Variants in MAN1A2 observed in about 807,000 individuals in gnomAD.
MAN1A2 encodes the protein mannosyl-oligosaccharide 1,2-alpha-mannosidase IB.
Under a neutral mutation model 75.7 loss-of-function variants are expected in MAN1A2, and 26 were observed. The ratio of observed to expected loss-of-function variants is 0.34; its 90% CI spans 0.25 to 0.48. The LOEUF (loss-of-function observed/expected upper bound fraction) is 0.48, where lower values mean the gene tolerates loss of function less well. Among genes scored for constraint, MAN1A2 ranks in the 20% least tolerant of loss-of-function variants. The pLI, the probability that MAN1A2 is intolerant of heterozygous loss-of-function variation, is 0.99. For missense variants in MAN1A2, 562 were observed against 775.5 expected (o/e 0.72, Z 3.27); for synonymous variants, 247 against 264.6 (o/e 0.93, Z 0.65).
chr1:117,468,270 C>CAATCATCAGA (rs1176004849), intron 8 of MAN1A2, among the ~76,000 whole-genome samples: 1 of 152,136 alleles, frequency 6.6e-6, no homozygotes, highest in Non-Finnish European at 1.5e-5. Flanking sequence ...TGAGAACTCA[C>CAATCATCAGA]TCATTATCAA....
At chr1:117,467,697 T>C (rs1650023829) in intron 8 of MAN1A2, among the ~76,000 whole-genome samples, 1 of 152,114 alleles carries the variant, frequency 6.6e-6, no homozygotes, top group African/African-American at 2.4e-5. Flanking sequence ...GTTTTCTTAT[T>C]TCAGATAAGA....
chr1:117,526,668 G>T lies in MAN1A2; in HGVS notation c.*3711G>T, dbSNP rs1557985460. ...ACATAATTCATGGGTAAAACTTGCA[G>T]TTGTAAATTGTGTCTGCTCTGGTAT... On this transcript the variant is annotated 3_prime_UTR_variant, in exon 13 of 13. Coordinates refer to ENST00000356554, the MANE Select transcript of MAN1A2 (RefSeq NM_006699.5). 1 of 151,122 alleles carries T rather than the reference G, an allele frequency of 6.6e-6. No homozygotes were observed. Among genetic ancestry groups the T allele is most frequent in the East Asian group, 1.9e-4 (1 of 5,180 alleles). The allele number at this position is 151,122 out of a possible 1,614,324, so 9.4% of individuals were successfully genotyped here. A position where few individuals can be genotyped will look rare whatever the true frequency, so the allele number is the denominator to read the frequency against.
At chr1:117,458,522 T>TATATA (rs1196587087) in intron 6 of MAN1A2, among the ~76,000 whole-genome samples, 2 of 90,152 alleles carry the variant, frequency 2.2e-5, no homozygotes, top group Non-Finnish European at 4.4e-5. Flanking sequence ...GATATATATA[T>TATATA]ATTTTTTTTT....
At chr1:117,417,641 CAAT>C (rs1342914671) in intron 4 of MAN1A2, among the ~76,000 whole-genome samples, 16 of 142,688 alleles carry the variant, frequency 1.1e-4, no homozygotes, top group African/African-American at 3.4e-4. Flanking sequence ...AGGAGCAAAA[CAAT>C]AAACAATGTA....
chr1:117,466,931 G>A (rs1649999251), intron 8 of MAN1A2, among the ~76,000 whole-genome samples: 1 of 152,094 alleles, frequency 6.6e-6, no homozygotes, highest in Admixed American at 6.6e-5. Flanking sequence ...ATAGGGCTTG[G>A]CCTGAATTCA....
chr1:117,472,993 A>G (rs895513764), intron 8 of MAN1A2, among the ~76,000 whole-genome samples: 3 of 151,856 alleles, frequency 2.0e-5, no homozygotes, highest in African/African-American at 7.3e-5. Flanking sequence ...TTTAAATACC[A>G]TTTACATGCT....
intron 6 of MAN1A2, among the ~76,000 whole-genome samples, chr1:117,450,029 A>C (rs1165093754): frequency 6.6e-6 from 1 of 152,198 alleles, no homozygotes; most frequent in African/African-American, 2.4e-5. Context: ...GAAAATGTGG[A>C]ACAACTTTGG....
Position 117,524,852 on chromosome 1 carries a change from A to G in MAN1A2, c.*1895A>G, listed in dbSNP as rs1240232823. The G allele has an allele frequency of 5.1e-6, 1 of 197,860 alleles. No individual in the cohort carries two copies. Among genetic ancestry groups the G allele is most frequent in the Non-Finnish European group, 1.1e-5 (1 of 93,528 alleles). The allele number at this position is 197,860 out of a possible 1,614,324, so 12.3% of individuals were successfully genotyped here. On this transcript the variant is annotated 3_prime_UTR_variant, in exon 13 of 13. Coordinates refer to ENST00000356554, the MANE Select transcript of MAN1A2 (RefSeq NM_006699.5). ...ACTTGAACATTTAAATTTCTAAATG[A>G]GAAAGGTATATATATTACTGTAACT... is the stretch of plus-strand genomic sequence containing the variant.
chr1:117,425,228 G>C (rs932502642), intron 5 of MAN1A2, among the ~76,000 whole-genome samples: 21 of 152,106 alleles, frequency 1.4e-4, no homozygotes, highest in African/African-American at 5.1e-4. Context: ...TTAAAACTTG[G>C]AAAGGAAAAA....
chr1:117,457,351 T>G (rs1488315458), intron 6 of MAN1A2, among the ~76,000 whole-genome samples: 1 of 152,068 alleles, frequency 6.6e-6, no homozygotes. Context: ...TTTATTTTGA[T>G]CAGTTGAGAA....
intron 6 of MAN1A2, among the ~76,000 whole-genome samples, chr1:117,448,121 G>C (rs1649297679): frequency 6.6e-6 from 1 of 152,020 alleles, no homozygotes; most frequent in Non-Finnish European, 1.5e-5. Flanking sequence ...AGTTCTCCTT[G>C]AAGAGGCCCT....
intron 8 of MAN1A2, among the ~76,000 whole-genome samples, chr1:117,475,329 C>CT (rs1404059815): frequency 6.6e-6 from 1 of 151,400 alleles, no homozygotes; most frequent in African/African-American, 2.4e-5. Flanking sequence ...TATGATCAGT[C>CT]TTTTAGTTTT....
chr1:117,416,194 A>G (rs551331454), intron 4 of MAN1A2, among the ~76,000 whole-genome samples: 1 of 152,176 alleles, frequency 6.6e-6, no homozygotes, highest in East Asian at 1.9e-4. Context: ...TGCTACTTTT[A>G]TATGCCACAT....
intron 8 of MAN1A2, 146 bp downstream of exon 8, chr1:117,466,573 T>G: frequency 2.0e-6 from 1 of 511,016 alleles, no homozygotes; most frequent in African/African-American, 2.0e-5. Context: ...TTAGGCATGT[T>G]TCTGATCTCT....
Position 117,442,300 on chromosome 1 carries a change from C to T in MAN1A2, c.925C>T (p.Pro309Ser). ...LPAFNTPTGI[P>S]WAMVNLKSGV... Reference sequence around the variant, plus strand: ...TGCCTTTAACACACCTACTGGGATTCCTTGGGCAATGGTGAATTTGAAAAG... The same window carrying T: ...TGCCTTTAACACACCTACTGGGATTTCTTGGGCAATGGTGAATTTGAAAAG... The change falls in exon 6 of 13, where the codon CCT becomes TCT. Residue 309 changes from proline to serine, a missense_variant. Around this residue, in one of 2 missense-constraint regions of MAN1A2, gnomAD observed 434 missense variants for 645.7 expected, o/e 0.67. Coordinates refer to ENST00000356554, the MANE Select transcript of MAN1A2 (RefSeq NM_006699.5). The T allele has an allele frequency of 6.2e-7, 1 of 1,610,648 alleles. No individual in the cohort carries two copies. Among genetic ancestry groups the T allele is most frequent in the Non-Finnish European group, 8.5e-7 (1 of 1,177,002 alleles).
intron 1 of MAN1A2, among the ~76,000 whole-genome samples, chr1:117,397,781 A>C (rs1647236405): frequency 6.6e-6 from 1 of 150,584 alleles, no homozygotes; most frequent in Non-Finnish European, 1.5e-5. Context: ...CCTCCTGAGT[A>C]GCTGGGATTA....
At chr1:117,463,961 G>A (rs1227872590) in intron 7 of MAN1A2, among the ~76,000 whole-genome samples, 1 of 152,100 alleles carries the variant, frequency 6.6e-6, no homozygotes, top group Non-Finnish European at 1.5e-5. Context: ...CAAAACAAAG[G>A]AAAAGCAGAG....
chr1:117,410,385 C>T (rs1347248290), intron 3 of MAN1A2, among the ~76,000 whole-genome samples: 5 of 151,726 alleles, frequency 3.3e-5, no homozygotes, highest in Admixed American at 3.3e-4. Context: ...TAACATCCAT[C>T]GATGATAAAA....
chr1:117,482,047 G>T (rs1053321033), intron 8 of MAN1A2, among the ~76,000 whole-genome samples: 2 of 151,802 alleles, frequency 1.3e-5, no homozygotes, highest in South Asian at 2.1e-4. Flanking sequence ...GTGGCCTGTT[G>T]TTATATGGCC....
Sources: allele counts gnomAD v4.1 joint callset (sites outside exome capture counted in the v4.1 genomes callset), GRCh38; gene constraint gnomAD v4.1.1; regional missense constraint gnomAD v4.1.1; transcripts MANE v1.5; gene names NCBI Gene and HGNC (gene_info 2026-07-23, HGNC 2026-07-21).